The following POMC variants were observed in gnomAD, a reference collection of about 807,000 sequenced individuals.
The protein encoded by POMC is proopiomelanocortin, also known as pro-opiomelanocortin.
POMC carries 19 observed loss-of-function variants against 18.5 expected under a neutral mutation model. The observed-to-expected ratio is 1.03, with a 90% CI of 0.72 to 1.51. The LOEUF is 1.51. Ranked by LOEUF, POMC falls within the 40% of genes most tolerant of loss-of-function variation. The pLI is 0.00. For missense variants in POMC, 451 were observed against 379.0 expected (o/e 1.19, Z -1.58); for synonymous variants, 179 against 161.9 (o/e 1.11, Z -0.80).
In POMC at chr2:25,161,699, C is replaced by T. The variant is rs765522434; in HGVS notation, c.186G>A (p.Pro62=). ...TCAGAGGCTGCTCGTCGCCATTTCCCGGGAACATGGGAGTCTCGGCCGAGA... is the reference window on the plus strand; with the variant it reads ...TCAGAGGCTGCTCGTCGCCATTTCCTGGGAACATGGGAGTCTCGGCCGAGA... The part of the protein sequence containing the change: ...PDLSAETPMF[P]GNGDEQPLTE... Residue 62 remains proline (P), a synonymous_variant, in exon 3 of 3, where the codon CCG becomes CCA. Coordinates refer to ENST00000395826, the MANE Select transcript of POMC (RefSeq NM_000939.4). The surrounding 1 kb of genome is among the most constrained non-coding windows in gnomAD (Gnocchi z 5.7). 1.5e-5 allele frequency: 24 copies of T among 1,586,660 alleles called. No homozygotes were observed. In the Admixed American group the frequency reaches 1.6e-4, roughly 10 times the overall value.
chr2:25,165,626 A>C (rs1011873082), intron 1 of POMC: 1 of 152,214 alleles, frequency 6.6e-6, no homozygotes, highest in Non-Finnish European at 1.5e-5. Context: ...AGAGACCAGA[A>C]GGGAATTACC....
At chr2:25,162,014 A>ACTTCC (rs1671411409) in intron 2 of POMC, among the ~76,000 whole-genome samples, 1 of 151,864 alleles carries the variant, frequency 6.6e-6, no homozygotes, top group Non-Finnish European at 1.5e-5. Context: ...ACTGCAACAC[A>ACTTCC]CTTCCCATCC....
rs536753790 is a variant in POMC at position 25,168,342 on chromosome 2, C to T, written c.-21+156G>A. Among the ~76,000 whole-genome samples, 75 of 152,294 alleles carry T rather than the reference C, an allele frequency of 4.9e-4. No homozygotes were observed. The highest frequency in any genetic ancestry group is 9.3e-4 in the Non-Finnish European group (63 of 68,024). On this transcript the variant is annotated intron_variant, in intron 1 of 2. Coordinates refer to ENST00000395826, the MANE Select transcript of POMC (RefSeq NM_000939.4). The surrounding 1 kb of genome is among the most constrained non-coding windows in gnomAD (Gnocchi z 5.2). ...CTCAGCTACTGGCGGCTTCTCATGCCGCAGTCGGCGCAGAAAGTTTGTCGA... is the reference window on the plus strand; with the variant it reads ...CTCAGCTACTGGCGGCTTCTCATGCTGCAGTCGGCGCAGAAAGTTTGTCGA...
rs1671380527 is a variant in POMC at position 25,161,604 on chromosome 2, C to T, written c.281G>A (p.Ser94Asn). The T allele has an allele frequency of 6.4e-7, 1 of 1,556,790 alleles. No individual in the cohort carries two copies. The highest frequency in any genetic ancestry group is 8.7e-7 in the Non-Finnish European group (1 of 1,150,356). The change falls in exon 3 of 3, where the codon AGC becomes AAC. Residue 94 changes from serine to asparagine, a missense_variant. Physicochemically the swap from Ser to Asn is conservative, Grantham distance 46. Transcript: ENST00000395826. The surrounding 1 kb of genome is among the most constrained non-coding windows in gnomAD (Gnocchi z 5.7). ...CTGCCCTGCGCCGCTGCTGCCGCTG[C>T]TGCTGCTGTTGCGGCGGCCGAATCG... ...WDRFGRRNSS[S>N]SGSSGAGQKR...
Position 25,161,160 on chromosome 2 carries a change from G to T in POMC, c.725C>A (p.Thr242Asn). ...CAGGGGCGTCTGGCTCTTCTCGGAG[G>T]TCATGAAACCGCCGTAGCGCTTGTC... ...PKDKRYGGFM[T>N]SEKSQTPLVT... Residue 242 changes from threonine (T) to asparagine (N), a missense_variant, in exon 3 of 3, where the codon ACC becomes AAC. Coordinates refer to ENST00000395826, the MANE Select transcript of POMC (RefSeq NM_000939.4). The surrounding 1 kb of genome is among the most constrained non-coding windows in gnomAD (Gnocchi z 5.7). 1.2e-6 allele frequency: 2 copies of T among 1,613,892 alleles called. No individual in the cohort carries two copies. The highest frequency in any genetic ancestry group is 8.5e-7 in the Non-Finnish European group (1 of 1,179,970).
intron 1 of POMC, among the ~76,000 whole-genome samples, chr2:25,167,996 A>G (rs1210095262): frequency 6.6e-6 from 1 of 152,174 alleles, no homozygotes; most frequent in East Asian, 1.9e-4. Context: ...TCTACTAAAA[A>G]TACAAAAATT....
rs531531453 is a variant in POMC at position 25,164,567 on chromosome 2, C to T, written c.132+74G>A. On this transcript the variant is annotated intron_variant, in intron 2 of 2. Transcript: ENST00000395826. Reference sequence around the variant, plus strand: ...GGAATGAATTTCCCTTTCCCCACACCCTTTTCTTTTGAGCTTTCCCAGCTC... The same window carrying T: ...GGAATGAATTTCCCTTTCCCCACACTCTTTTCTTTTGAGCTTTCCCAGCTC... 165 of 1,607,340 alleles carry T rather than the reference C, an allele frequency of 1.0e-4. 2 individuals carry two copies. In the South Asian group the frequency reaches 1.8e-3, roughly 17 times the overall value.
At position 25,161,774 on chromosome 2, in the gene POMC, T is replaced by G; in HGVS notation, c.133-22A>C. On this transcript the variant is annotated intron_variant, in intron 2 of 2. Transcript: ENST00000395826. This position sits in a 1 kb window ranked among gnomAD's most constrained non-coding sequence, Gnocchi z 5.7. ...ACTCCTGGGGGAAGACGCGAGGGCA[T>G]GAGGGCAGCCCGTGCCCCGCACCCC... 6.3e-7 allele frequency: 1 copy of G among 1,576,348 alleles called. No homozygotes were observed. The highest frequency in any genetic ancestry group is 8.6e-7 in the Non-Finnish European group (1 of 1,163,040).
intron 2 of POMC, among the ~76,000 whole-genome samples, chr2:25,164,254 A>G (rs1022587583): frequency 6.6e-6 from 1 of 152,212 alleles, no homozygotes; most frequent in African/African-American, 2.4e-5. Context: ...GAAATATGGA[A>G]TGAAAATGGC....
intron 1 of POMC, among the ~76,000 whole-genome samples, chr2:25,166,190 G>C (rs529153483): frequency 1.6e-4 from 25 of 152,338 alleles, no homozygotes; most frequent in East Asian, 5.8e-4. Context: ...CTTCTGAAGG[G>C]TTGCCGGGCA....
In POMC at chr2:25,161,394, G is replaced by A. The variant is rs773522618; in HGVS notation, c.491C>T (p.Ala164Val). 81 of 1,608,806 alleles carry A rather than the reference G, an allele frequency of 5.0e-5. No homozygotes were observed. The highest frequency in any genetic ancestry group is 6.7e-5 in the Non-Finnish European group (79 of 1,178,254). The change falls in exon 3 of 3, where the codon GCC becomes GTC. Residue 164 changes from alanine to valine, a missense_variant. Ala to Val is a moderately conservative substitution (Grantham distance 64). Coordinates refer to ENST00000395826, the MANE Select transcript of POMC (RefSeq NM_000939.4). This position sits in a 1 kb window ranked among gnomAD's most constrained non-coding sequence, Gnocchi z 5.7. The part of the protein sequence containing the change: ...RRPVKVYPNG[A>V]EDESAEAFPL... Reference sequence around the variant, plus strand: ...GAAGGCCTCGGCCGACTCGTCCTCGGCGCCGTTAGGGTACACCTTCACTGG... The same window carrying A: ...GAAGGCCTCGGCCGACTCGTCCTCGACGCCGTTAGGGTACACCTTCACTGG...
At chr2:25,163,278 T>C (rs1671453176) in intron 2 of POMC, among the ~76,000 whole-genome samples, 1 of 152,180 alleles carries the variant, frequency 6.6e-6, no homozygotes, top group Admixed American at 6.5e-5. Flanking sequence ...TGATAGGACC[T>C]GGTCAAGGTC....
intron 2 of POMC, among the ~76,000 whole-genome samples, chr2:25,162,479 A>G (rs931531858): frequency 3.9e-5 from 6 of 152,110 alleles, no homozygotes; most frequent in Admixed American, 2.0e-4. Context: ...AAATAAATAA[A>G]AAGAATATTG....
Position 25,161,744 on chromosome 2 carries a change from G to T in POMC, c.141C>A (p.Ile47=), listed in dbSNP as rs1329806966. The part of the protein sequence containing the change: ...LTTESNLLEC[I]RACKPDLSAE... Reference sequence around the variant, plus strand: ...CCGAGAGGTCGGGCTTGCAGGCCCGGATGCACTCCTGGGGGAAGACGCGAG... The same window carrying T: ...CCGAGAGGTCGGGCTTGCAGGCCCGTATGCACTCCTGGGGGAAGACGCGAG... The change falls in exon 3 of 3, where the codon ATC becomes ATA. Residue 47 remains isoleucine, a synonymous_variant. Coordinates refer to ENST00000395826, the MANE Select transcript of POMC (RefSeq NM_000939.4). The surrounding 1 kb of genome is among the most constrained non-coding windows in gnomAD (Gnocchi z 5.7). 24 of 1,593,868 alleles carry T rather than the reference G, an allele frequency of 1.5e-5. No individual in the cohort carries two copies. Among genetic ancestry groups the T allele is most frequent in the Non-Finnish European group, 1.8e-5 (21 of 1,171,488 alleles).
intron 2 of POMC, among the ~76,000 whole-genome samples, chr2:25,162,965 TG>T (rs11353932): frequency 0.024 from 3,696 of 152,314 alleles, 150 homozygotes; most frequent in African/African-American, 0.084. Flanking sequence ...GCACCGTCTG[TG>T]GAACCTGTGT....
At chr2:25,167,343 C>T (rs1425204293) in intron 1 of POMC, among the ~76,000 whole-genome samples, 1 of 152,236 alleles carries the variant, frequency 6.6e-6, no homozygotes, top group Non-Finnish European at 1.5e-5. Flanking sequence ...TGTAAGAACC[C>T]TCCCTGCCCC....
intron 1 of POMC, among the ~76,000 whole-genome samples, chr2:25,165,291 T>G (rs1671517390): frequency 6.6e-6 from 1 of 152,246 alleles, no homozygotes; most frequent in Non-Finnish European, 1.5e-5. Flanking sequence ...GTCTTTTCCC[T>G]TTTTATTCCA....
Position 25,168,218 on chromosome 2 carries a change from C to T in POMC, c.-21+280G>A, listed in dbSNP as rs1671623759. Among the ~76,000 whole-genome samples, 1 of 152,088 alleles carries T rather than the reference C, an allele frequency of 6.6e-6. No homozygotes were observed. Among genetic ancestry groups the T allele is most frequent in the Non-Finnish European group, 1.5e-5 (1 of 68,006 alleles). On this transcript the variant is annotated intron_variant, in intron 1 of 2. Coordinates refer to ENST00000395826, the MANE Select transcript of POMC (RefSeq NM_000939.4). This position sits in a 1 kb window ranked among gnomAD's most constrained non-coding sequence, Gnocchi z 5.2. ...TAGCAAGCTCTCGGAGCCTCCGGACCGCCGCGAGCCCCTGGGGGAGAGGAG... is the reference window on the plus strand; with the variant it reads ...TAGCAAGCTCTCGGAGCCTCCGGACTGCCGCGAGCCCCTGGGGGAGAGGAG...
At position 25,161,514 on chromosome 2, in the gene POMC, C is replaced by T; in HGVS notation, c.371G>A (p.Arg124His). Residue 124 changes from arginine to histidine, a missense_variant, in exon 3 of 3, where the codon CGC becomes CAC. Coordinates refer to ENST00000395826, the MANE Select transcript of POMC (RefSeq NM_000939.4). The surrounding 1 kb of genome is among the most constrained non-coding windows in gnomAD (Gnocchi z 5.7). ...CGGGCCCGGCTTGGCACCATCGCTG[C>T]GGGGCTCGGGGCCGCCCTCAGGCAG... ...GPLPEGGPEP[R>H]SDGAKPGPRE... 6.3e-7 allele frequency: 1 copy of T among 1,593,640 alleles called. No homozygotes were observed. The highest frequency in any genetic ancestry group is 1.7e-5 in the Admixed American group (1 of 57,938).
Sources: allele counts gnomAD v4.1 joint callset (sites outside exome capture counted in the v4.1 genomes callset), GRCh38; gene constraint gnomAD v4.1.1; non-coding constraint Gnocchi (gnomAD v3.1); transcripts MANE v1.5; gene names NCBI Gene and HGNC (gene_info 2026-07-23, HGNC 2026-07-21).